Variants in PTPN5 observed in about 807,000 individuals in gnomAD.
PTPN5 encodes the protein protein tyrosine phosphatase non-receptor type 5.
In PTPN5, 29 loss-of-function variants were observed where a neutral mutation model predicts 73.9. That is an observed-to-expected ratio of 0.39 (90% CI 0.29 to 0.54). The LOEUF (loss-of-function observed/expected upper bound fraction) is 0.54. Among genes scored for constraint, PTPN5 ranks in the 20% least tolerant of loss-of-function variants. PTPN5 has a pLI of 0.65. For synonymous variants in PTPN5, 267 were observed against 304.7 expected, an observed-to-expected ratio of 0.88 and a Z score of 1.29; for missense variants, 652 against 751.4, an observed-to-expected ratio of 0.87 and a Z score of 1.55.
At chr11:18,770,354 G>A (rs184922386) in intron 2 of PTPN5, among the ~76,000 whole-genome samples, 2 of 152,120 alleles carry the variant, frequency 1.3e-5, no homozygotes, top group African/African-American at 2.4e-5. Flanking sequence ...GTCTCTATGG[G>A]TTTGCCTATT....
At chr11:18,789,914 A>G (rs1174237176) in intron 1 of PTPN5, among the ~76,000 whole-genome samples, 1 of 152,136 alleles carries the variant, frequency 6.6e-6, no homozygotes, top group African/African-American at 2.4e-5. Flanking sequence ...GAAACCAAAT[A>G]CCACCTGTTC....
intron 1 of PTPN5, among the ~76,000 whole-genome samples, chr11:18,789,419 G>A (rs1354923914): frequency 6.6e-6 from 1 of 152,182 alleles, no homozygotes; most frequent in Non-Finnish European, 1.5e-5. Context: ...ACACCGTACA[G>A]CCAGTGAGGA....
rs1324608593 is a variant in PTPN5 at position 18,742,841 on chromosome 11, C to A, written c.483+151G>T. 2 of 679,242 alleles carry A rather than the reference C, an allele frequency of 2.9e-6. No homozygotes were observed. The highest frequency in any genetic ancestry group is 5.1e-6 in the Non-Finnish European group (2 of 393,414). 42.1% of individuals were successfully genotyped at this position (679,242 alleles called of 1,614,324 possible). ...ATTTTCGGAAAGAAGGAGGCTCTTGCCCCAGGCTGGCACACTTGTGCAAAG... is the reference window on the plus strand; with the variant it reads ...ATTTTCGGAAAGAAGGAGGCTCTTGACCCAGGCTGGCACACTTGTGCAAAG... On this transcript the variant is annotated intron_variant, in intron 6 of 14. Transcript: ENST00000358540. The surrounding 1 kb of genome is among the most constrained non-coding windows in gnomAD (Gnocchi z 4.1).
intron 1 of PTPN5, among the ~76,000 whole-genome samples, chr11:18,780,098 C>A (rs1157464377): frequency 6.6e-6 from 1 of 152,200 alleles, no homozygotes; most frequent in African/African-American, 2.4e-5. Context: ...TTGTACCAGG[C>A]AGTGCCATCA....
intron 2 of PTPN5, among the ~76,000 whole-genome samples, chr11:18,769,886 C>A (rs534625540): frequency 6.6e-6 from 1 of 152,086 alleles, no homozygotes; most frequent in Admixed American, 6.6e-5. Context: ...AGCAGAGGCA[C>A]GTGGGCAAGA....
At chr11:18,784,709 C>A (rs576013421) in intron 1 of PTPN5, among the ~76,000 whole-genome samples, 1 of 152,286 alleles carries the variant, frequency 6.6e-6, no homozygotes, top group South Asian at 2.1e-4. Context: ...AAACAAAACA[C>A]TGGAAGGACA....
intron 8 of PTPN5, 148 bp downstream of exon 8, chr11:18,740,455 C>T: frequency 3.2e-6 from 2 of 632,860 alleles, no homozygotes; most frequent in Non-Finnish European, 4.9e-6. Context: ...GGGAAAGCAG[C>T]TTGCCCAAGA....
At chr11:18,745,376 G>C (rs1240329342) in intron 3 of PTPN5, among the ~76,000 whole-genome samples, 3 of 152,152 alleles carry the variant, frequency 2.0e-5, no homozygotes, top group Non-Finnish European at 4.4e-5. Flanking sequence ...TCAAGACTGT[G>C]GTGCAGAGAA....
rs558177533 is a variant in PTPN5, at chr11:18,744,287, C to T, written c.98-88G>A. 9.9e-6 allele frequency: 12 copies of T among 1,216,400 alleles called. No individual in the cohort carries two copies. The South Asian group carries it at 1.8e-4, about 18-fold the overall frequency. 75.4% of individuals were successfully genotyped at this position (1,216,400 alleles called of 1,614,324 possible). On this transcript the variant is annotated intron_variant, in intron 3 of 14. Transcript: ENST00000358540. The stretch of plus-strand genomic sequence containing the variant: ...CCCCTTTTGGGGTGGCTGTGGCTGC[C>T]TCTCAATCTGGGATCAGTCAGCGTG...
chr11:18,774,706 TTCTGTCCTAAATACA>T (rs1486954240), intron 1 of PTPN5, among the ~76,000 whole-genome samples: 2 of 152,218 alleles, frequency 1.3e-5, no homozygotes, highest in African/African-American at 4.8e-5. Context: ...AGCCAACACA[TTCTGTCCTAAATACA>T]TCTTTGGGGT....
chr11:18,737,299 C>T (rs1590494696), intron 9 of PTPN5, among the ~76,000 whole-genome samples: 1 of 152,344 alleles, frequency 6.6e-6, no homozygotes, highest in East Asian at 1.9e-4. Flanking sequence ...TTCTAGGGGA[C>T]TGCTCGTGCC....
At chr11:18,736,225 G>A (rs1287353744) in intron 9 of PTPN5, among the ~76,000 whole-genome samples, 1 of 152,140 alleles carries the variant, frequency 6.6e-6, no homozygotes, top group Non-Finnish European at 1.5e-5. Context: ...ACAGCTTGAG[G>A]CCAGAAGTTT....
chr11:18,776,998 C>T (rs1462204705), intron 1 of PTPN5, among the ~76,000 whole-genome samples: 1 of 152,132 alleles, frequency 6.6e-6, no homozygotes, highest in Non-Finnish European at 1.5e-5. Context: ...CCTGTCTCTA[C>T]TAAAAATACA....
intron 3 of PTPN5, among the ~76,000 whole-genome samples, chr11:18,747,667 A>C (rs928270651): frequency 3.9e-5 from 6 of 152,264 alleles, no homozygotes; most frequent in African/African-American, 1.4e-4. Context: ...AACATTATGC[A>C]GCCATTATAA....
chr11:18,738,002 C>A, intron 8 of PTPN5, 38 bp from the exon 9 acceptor site: 1 of 1,551,592 alleles, frequency 6.4e-7, no homozygotes, highest in Non-Finnish European at 8.9e-7. Flanking sequence ...CAGCTATGGG[C>A]CCTCACAGAT....
chr11:18,748,591 T>C (rs1200637111), intron 3 of PTPN5, among the ~76,000 whole-genome samples: 1 of 152,056 alleles, frequency 6.6e-6, no homozygotes, highest in African/African-American at 2.4e-5. Context: ...ATTCTGCACA[T>C]AATTTTTGGG....
rs1025507629 is a variant in PTPN5 at position 18,743,465 on chromosome 11, G to T, written c.292-36C>A. ...GGGGAGCAGGCTGAGTATGGAGCCG[G>T]CCCCCTTCCCCCGTGTTCCCCCAGC... On this transcript the variant is annotated intron_variant, in intron 4 of 14. Coordinates refer to ENST00000358540, the MANE Select transcript of PTPN5 (RefSeq NM_006906.2). 3.8e-6 allele frequency: 6 copies of T among 1,581,134 alleles called. No homozygotes were observed. The South Asian group carries it at 4.4e-5, about 12-fold the overall frequency.
Position 18,729,410 on chromosome 11 carries a change from C to A in PTPN5, c.1604+43G>T. On this transcript the variant is annotated intron_variant, in intron 14 of 14. Transcript: ENST00000358540. This position sits in a 1 kb window ranked among gnomAD's most constrained non-coding sequence, Gnocchi z 5.2. ...GGTCTCTCCCTCTACCCGCTCGGGGCTCTAGCTCCCTTGTGTGTCCCCACT... is the reference window on the plus strand; with the variant it reads ...GGTCTCTCCCTCTACCCGCTCGGGGATCTAGCTCCCTTGTGTGTCCCCACT... 1.0e-6 allele frequency: 1 copy of A among 966,914 alleles called. No individual in the cohort carries two copies. The allele number at this position is 966,914 out of a possible 1,614,324, so 59.9% of individuals were successfully genotyped here.
At chr11:18,763,604 G>C (rs964181827) in intron 3 of PTPN5, among the ~76,000 whole-genome samples, 2 of 152,142 alleles carry the variant, frequency 1.3e-5, no homozygotes, top group African/African-American at 4.8e-5. Flanking sequence ...TCTCTGCTGC[G>C]GCTTCATCCC....
Sources: allele counts gnomAD v4.1 joint callset (sites outside exome capture counted in the v4.1 genomes callset), GRCh38; gene constraint gnomAD v4.1.1; non-coding constraint Gnocchi (gnomAD v3.1); transcripts MANE v1.5; gene names NCBI Gene and HGNC (gene_info 2026-07-23, HGNC 2026-07-21).